Variants in ST6GALNAC3 observed in about 807,000 individuals in gnomAD.
The protein encoded by ST6GALNAC3 is ST6 N-acetylgalactosaminide alpha-2,6-sialyltransferase 3.
A neutral mutation model predicts 32.7 loss-of-function variants in ST6GALNAC3; 25 were observed. That is an observed-to-expected ratio of 0.76 (90% CI 0.56 to 1.07). ST6GALNAC3 has a LOEUF of 1.07. Ranked by LOEUF, ST6GALNAC3 falls within the 50% of genes least tolerant of loss-of-function variation. The pLI is 0.00. For synonymous variants in ST6GALNAC3, 129 were observed against 133.1 expected (o/e 0.97, Z 0.21); for missense variants, 355 against 382.4 (o/e 0.93, Z 0.60).
chr1:76,171,231 T>A (rs993324942), intron 1 of ST6GALNAC3, among the ~76,000 whole-genome samples: 3 of 152,142 alleles, frequency 2.0e-5, no homozygotes, highest in African/African-American at 7.2e-5. Flanking sequence ...TCTTGGCATT[T>A]CTCTAGTGAA....
At chr1:76,235,293 C>T (rs1474856552) in intron 1 of ST6GALNAC3, among the ~76,000 whole-genome samples, 1 of 152,040 alleles carries the variant, frequency 6.6e-6, no homozygotes, top group African/African-American at 2.4e-5. Flanking sequence ...ATCGCTTGAG[C>T]CCAAAAGTTC....
At chr1:76,254,230 A>G (rs902638824) in intron 1 of ST6GALNAC3, among the ~76,000 whole-genome samples, 1 of 152,112 alleles carries the variant, frequency 6.6e-6, no homozygotes, top group Non-Finnish European at 1.5e-5. Context: ...TCTAGATCCA[A>G]GTGGATCAGG....
chr1:76,539,124 AG>A (rs1298723322), intron 3 of ST6GALNAC3, among the ~76,000 whole-genome samples: 1 of 152,204 alleles, frequency 6.6e-6, no homozygotes, highest in African/African-American at 2.4e-5. Context: ...CTATACTACA[AG>A]GCTACCATAA....
chr1:76,308,100 C>T (rs979059964), intron 1 of ST6GALNAC3, among the ~76,000 whole-genome samples: 29 of 152,070 alleles, frequency 1.9e-4, no homozygotes, highest in Non-Finnish European at 2.9e-4. Context: ...TATTTGGGCA[C>T]AGTGACATTT....
intron 3 of ST6GALNAC3, among the ~76,000 whole-genome samples, chr1:76,585,810 T>A (rs550460367): frequency 6.6e-6 from 1 of 152,306 alleles, no homozygotes; most frequent in South Asian, 2.1e-4. Context: ...CCCAGTGGAT[T>A]TTTATTTTAC....
chr1:76,432,617 G>A (rs1655844032), intron 3 of ST6GALNAC3, among the ~76,000 whole-genome samples: 1 of 151,724 alleles, frequency 6.6e-6, no homozygotes, highest in African/African-American at 2.4e-5. Context: ...ACCATGCCTG[G>A]CTAATTTTTA....
At chr1:76,101,713 C>A (rs1557613919) in intron 1 of ST6GALNAC3, among the ~76,000 whole-genome samples, 2 of 152,086 alleles carry the variant, frequency 1.3e-5, no homozygotes, top group Non-Finnish European at 1.5e-5. Flanking sequence ...CCCTTAAGTA[C>A]TGTTTTTGCT....
At chr1:76,181,654 AT>A (rs1653188427) in intron 1 of ST6GALNAC3, among the ~76,000 whole-genome samples, 1 of 152,182 alleles carries the variant, frequency 6.6e-6, no homozygotes, top group African/African-American at 2.4e-5. Context: ...AGCCAAAAAA[AT>A]ATGGTTATGT....
chr1:76,175,995 G>C (rs1652825430), intron 1 of ST6GALNAC3, among the ~76,000 whole-genome samples: 1 of 152,158 alleles, frequency 6.6e-6, no homozygotes, highest in South Asian at 2.1e-4. Context: ...TCTGAGCTTT[G>C]CCTTTTTTTC....
At chr1:76,546,937 C>G (rs572879615) in intron 3 of ST6GALNAC3, among the ~76,000 whole-genome samples, 14 of 151,974 alleles carry the variant, frequency 9.2e-5, no homozygotes, top group Non-Finnish European at 1.9e-4. Flanking sequence ...TTCAAGAGCC[C>G]GAGGAAGGAT....
chr1:76,362,616 G>A (rs189411578), intron 2 of ST6GALNAC3, among the ~76,000 whole-genome samples: 111 of 152,294 alleles, frequency 7.3e-4, no homozygotes, highest in African/African-American at 2.1e-3. Context: ...TAGACATTGG[G>A]TAAATACTCC....
chr1:76,430,484 C>T (rs535774620), intron 3 of ST6GALNAC3, among the ~76,000 whole-genome samples: 1 of 152,300 alleles, frequency 6.6e-6, no homozygotes, highest in East Asian at 1.9e-4. Flanking sequence ...CTAAGCTTTG[C>T]ATCTTTGCTG....
At chr1:76,306,900 C>T (rs1263967641) in intron 1 of ST6GALNAC3, among the ~76,000 whole-genome samples, 1 of 151,926 alleles carries the variant, frequency 6.6e-6, no homozygotes, top group Non-Finnish European at 1.5e-5. Context: ...TAAACTGCTA[C>T]AAGATAACAT....
Position 76,300,707 on chromosome 1 carries a change from T to C in ST6GALNAC3, c.19-13098T>C, listed in dbSNP as rs555362000. ...AAATAGTGCTATGATTGATTAGCAATGTCTGCCTGGGGAGAAGGTGGGATA... is the reference window on the plus strand; with the variant it reads ...AAATAGTGCTATGATTGATTAGCAACGTCTGCCTGGGGAGAAGGTGGGATA... On this transcript the variant is annotated intron_variant, in intron 1 of 4. Transcript: ENST00000328299. Among the ~76,000 whole-genome samples, 86 of 152,200 alleles carry C rather than the reference T, an allele frequency of 5.7e-4. 1 individual carries two copies. The South Asian group carries it at 0.016, about 29-fold the overall frequency.
At chr1:76,156,928 T>A (rs1570239061) in intron 1 of ST6GALNAC3, among the ~76,000 whole-genome samples, 1 of 152,208 alleles carries the variant, frequency 6.6e-6, no homozygotes, top group South Asian at 2.1e-4. Flanking sequence ...AGACGGGGTT[T>A]CACCGTGTTA....
At chr1:76,506,408 A>C (rs1244440586) in intron 3 of ST6GALNAC3, among the ~76,000 whole-genome samples, 1 of 152,200 alleles carries the variant, frequency 6.6e-6, no homozygotes, top group Admixed American at 6.5e-5. Flanking sequence ...GGTCTGCTTA[A>C]GCAGATTTTA....
At chr1:76,634,685 ATTTTTTTTTTTTTTTT>A (rs755148916), downstream of ST6GALNAC3, 2 of 47,340 alleles carry the variant, frequency 4.2e-5, no homozygotes, top group South Asian at 7.5e-4. Context: ...GCGGTATGGG[ATTTTTTTTTTTTTTTT>A]TTTTTTTTTT....
At chr1:76,325,174 T>C (rs1394406350) in intron 2 of ST6GALNAC3, among the ~76,000 whole-genome samples, 2 of 152,208 alleles carry the variant, frequency 1.3e-5, no homozygotes, top group Admixed American at 6.5e-5. Flanking sequence ...AGAAGGTGAA[T>C]TGAAAAAATT....
intron 3 of ST6GALNAC3, among the ~76,000 whole-genome samples, chr1:76,546,907 T>C (rs1018631619): frequency 2.6e-5 from 4 of 152,118 alleles, no homozygotes; most frequent in African/African-American, 7.2e-5. Flanking sequence ...GTGCAGAGAA[T>C]AGCAATAAGA....
Sources: gnomAD v4.1 joint callset for allele counts (sites outside exome capture counted in the v4.1 genomes callset) on GRCh38, gnomAD v4.1.1 for gene constraint, MANE v1.5 for transcripts, NCBI Gene and HGNC (gene_info 2026-07-23, HGNC 2026-07-21) for gene names.